SEC23B: variants seen among roughly 807,000 people sequenced by gnomAD.
SEC23B encodes the protein protein transport protein Sec23B.
In SEC23B, 77 loss-of-function variants were observed where a neutral mutation model predicts 104.3. The observed-to-expected ratio is 0.74, with a 90% CI of 0.61 to 0.89. SEC23B has a LOEUF of 0.89. Among genes scored for constraint, SEC23B ranks in the 40% least tolerant of loss-of-function variants. SEC23B has a pLI of 0.00. For missense variants in SEC23B, 885 were observed against 949.4 expected (o/e 0.93, Z 0.89); for synonymous variants, 338 against 332.5 (o/e 1.02, Z -0.18).
intron 2 of SEC23B, 77 bp from the exon 3 acceptor site, chr20:18,512,148 G>A (rs764761205): frequency 1.6e-5 from 14 of 878,420 alleles, no homozygotes; most frequent in Non-Finnish European, 2.5e-5. Flanking sequence ...ACAAATGAAC[G>A]CTTTCTACCT....
At chr20:18,560,595 G>T in intron 19 of SEC23B, 56 bp from the exon 20 acceptor site, 1 of 1,392,954 alleles carries the variant, frequency 7.2e-7, no homozygotes, top group South Asian at 1.2e-5. Context: ...GACAGCTCAT[G>T]AATTCTAATC....
chr20:18,513,978 C>G (rs141691944), intron 3 of SEC23B, among the ~76,000 whole-genome samples: 1,660 of 152,222 alleles, frequency 0.011, 35 homozygotes, highest in African/African-American at 0.038. Flanking sequence ...TACCTATAGT[C>G]ACTTCATGAG....
chr20:18,530,300 G>A lies in SEC23B; in HGVS notation c.1110-380G>A, dbSNP rs146308877. Among the ~76,000 whole-genome samples, 771 of 151,802 alleles carry A rather than the reference G, an allele frequency of 5.1e-3. 2 individuals carry two copies. Among genetic ancestry groups the A allele is most frequent in the Non-Finnish European group, 7.4e-3 (501 of 67,946 alleles). On this transcript the variant is annotated intron_variant, in intron 9 of 19. Transcript: ENST00000650089. ...ACAGTCTTGCTCTGTCGCCCAGGCTGGAGTGCAGTGGTCCGATCTTGGTTC... is the reference window on the plus strand; with the variant it reads ...ACAGTCTTGCTCTGTCGCCCAGGCTAGAGTGCAGTGGTCCGATCTTGGTTC...
chr20:18,517,326 C>T (rs1257698319), intron 4 of SEC23B, among the ~76,000 whole-genome samples: 3 of 152,148 alleles, frequency 2.0e-5, no homozygotes, highest in East Asian at 1.9e-4. Context: ...TCACAAAGTA[C>T]GTTCTCAAGG....
chr20:18,509,509 T>A lies in SEC23B; in HGVS notation c.-14-1313T>A, dbSNP rs559172659. On this transcript the variant is annotated intron_variant, in intron 1 of 19. Coordinates refer to ENST00000650089, the MANE Select transcript of SEC23B (RefSeq NM_006363.6). The stretch of plus-strand genomic sequence containing the variant: ...GTGTGTTACCCTAGATTTTAGGATA[T>A]GAACAGGATGTATAAATACTCAATG... 10 of 152,314 alleles carry A rather than the reference T, an allele frequency of 6.6e-5. No individual in the cohort carries two copies. The East Asian group carries it at 1.9e-3, about 29-fold the overall frequency. The allele number at this position is 152,314 out of a possible 1,614,324, so 9.4% of individuals were successfully genotyped here. A position where few individuals can be genotyped will look rare whatever the true frequency, so the allele number is the denominator to read the frequency against.
intron 12 of SEC23B, among the ~76,000 whole-genome samples, chr20:18,536,575 C>CACCCT (rs1162438819): frequency 1.3e-5 from 2 of 151,946 alleles, no homozygotes; most frequent in African/African-American, 4.8e-5. Flanking sequence ...GCCTGTAGTC[C>CACCCT]CAGCTACTTG....
chr20:18,549,548 CAT>C (rs1429908679), intron 16 of SEC23B, among the ~76,000 whole-genome samples: 17 of 150,398 alleles, frequency 1.1e-4, no homozygotes, highest in Middle Eastern at 3.4e-3. Context: ...AAGTATGTAA[CAT>C]AATAAAATAG....
intron 3 of SEC23B, among the ~76,000 whole-genome samples, chr20:18,514,517 A>G (rs549120016): frequency 1.3e-5 from 2 of 152,198 alleles, no homozygotes; most frequent in East Asian, 3.9e-4. Context: ...CAGCACTTGC[A>G]TTTGGTCACT....
At chr20:18,555,961 A>G (rs2060433444) in intron 19 of SEC23B, among the ~76,000 whole-genome samples, 2 of 151,752 alleles carry the variant, frequency 1.3e-5, no homozygotes, top group African/African-American at 4.8e-5. Flanking sequence ...TTTTCCTGCA[A>G]CTAGATGGTC....
At chr20:18,532,855 CAGG>C in intron 11 of SEC23B, 111 bp downstream of exon 11, 1 of 791,574 alleles carries the variant, frequency 1.3e-6, no homozygotes, top group Non-Finnish European at 2.2e-6. Context: ...TCTGCAGTGA[CAGG>C]AGAAGGGCTA....
At chr20:18,511,169 G>A in intron 2 of SEC23B, 113 bp downstream of exon 2, 2 of 820,096 alleles carry the variant, frequency 2.4e-6, no homozygotes, top group South Asian at 2.8e-5. Flanking sequence ...GTGATAAGTA[G>A]TAGATGATGA....
intron 12 of SEC23B, among the ~76,000 whole-genome samples, chr20:18,538,924 G>A (rs1170209217): frequency 6.6e-6 from 1 of 151,994 alleles, no homozygotes; most frequent in African/African-American, 2.4e-5. Context: ...AAAAAAAATA[G>A]GCCGGGTGTG....
intron 4 of SEC23B, among the ~76,000 whole-genome samples, chr20:18,516,345 A>G (rs1217817648): frequency 2.0e-5 from 3 of 151,070 alleles, no homozygotes; most frequent in East Asian, 1.9e-4. Flanking sequence ...TAATGCTTCA[A>G]TGAATATAGC....
At chr20:18,526,109 A>C (rs2060131830) in intron 7 of SEC23B, among the ~76,000 whole-genome samples, 177 bp downstream of exon 7, 1 of 152,234 alleles carries the variant, frequency 6.6e-6, no homozygotes, top group South Asian at 2.1e-4. Flanking sequence ...ACATTTTGAA[A>C]ATGCCAAAAG....
chr20:18,541,639 CACA>C (rs1354270288), intron 12 of SEC23B, among the ~76,000 whole-genome samples: 3 of 152,220 alleles, frequency 2.0e-5, no homozygotes, highest in African/African-American at 4.8e-5. Context: ...ACAGAATATA[CACA>C]ACATTTATCA....
intron 12 of SEC23B, among the ~76,000 whole-genome samples, chr20:18,539,110 G>C (rs1483469209): frequency 6.6e-6 from 1 of 151,516 alleles, no homozygotes; most frequent in Non-Finnish European, 1.5e-5. Flanking sequence ...CTACTCAGGA[G>C]GCTGAGGCAG....
chr20:18,557,798 G>A (rs553971966), intron 19 of SEC23B, among the ~76,000 whole-genome samples: 106 of 145,382 alleles, frequency 7.3e-4, no homozygotes, highest in Admixed American at 1.4e-3. Context: ...TGTTGCCCAG[G>A]CTGGAGTGCA....
At chr20:18,543,620 TAG>T (rs1253787505) in intron 14 of SEC23B, among the ~76,000 whole-genome samples, 3 of 151,886 alleles carry the variant, frequency 2.0e-5, no homozygotes, top group Non-Finnish European at 4.4e-5. Context: ...AACAAGAGAG[TAG>T]AACAGTGAGG....
At chr20:18,507,647 G>A (rs947403272), upstream of SEC23B, 1 of 152,302 alleles carries the variant, frequency 6.6e-6, no homozygotes, top group African/African-American at 2.4e-5. Context: ...CCTCTGAGGA[G>A]CGCTGGCTGC....
Sources: gnomAD v4.1 joint callset for allele counts (sites outside exome capture counted in the v4.1 genomes callset) on GRCh38, gnomAD v4.1.1 for gene constraint, MANE v1.5 for transcripts, NCBI Gene and HGNC (gene_info 2026-07-23, HGNC 2026-07-21) for gene names.